Variants in KCND3 observed in about 807,000 individuals in gnomAD.
KCND3 encodes potassium voltage-gated channel subfamily D member 3.
In KCND3, 9 loss-of-function variants were observed where a neutral mutation model predicts 51.1. The ratio of observed to expected loss-of-function variants is 0.18; its 90% CI spans 0.11 to 0.31. The LOEUF (loss-of-function observed/expected upper bound fraction) is 0.31, where lower values mean the gene tolerates loss of function less well. Ranked by LOEUF, KCND3 falls within the 10% of genes least tolerant of loss-of-function variation. The pLI is 1.00. For synonymous variants in KCND3, 349 were observed against 368.0 expected, an observed-to-expected ratio of 0.95 and a Z score of 0.59; for missense variants, 526 against 903.8, an observed-to-expected ratio of 0.58 and a Z score of 5.36.
intron 2 of KCND3, among the ~76,000 whole-genome samples, chr1:111,962,728 T>C (rs1448734295): frequency 6.6e-6 from 1 of 152,198 alleles, no homozygotes; most frequent in Non-Finnish European, 1.5e-5. Flanking sequence ...GTTGTGAAAA[T>C]GGCCACCAAC....
intron 3 of KCND3, 103 bp downstream of exon 3, chr1:111,786,841 C>T: frequency 7.2e-7 from 1 of 1,393,876 alleles, no homozygotes; most frequent in South Asian, 1.2e-5. Context: ...AAGCCAGAGG[C>T]CATCTGTGCA....
At chr1:111,937,890 T>G (rs1190941720) in intron 2 of KCND3, among the ~76,000 whole-genome samples, 1 of 152,238 alleles carries the variant, frequency 6.6e-6, no homozygotes, top group Non-Finnish European at 1.5e-5. Context: ...CAGTCTGTTC[T>G]GCTCAGTTAG....
chr1:111,883,162 G>A (rs1477323018), intron 2 of KCND3, among the ~76,000 whole-genome samples: 1 of 152,190 alleles, frequency 6.6e-6, no homozygotes, highest in Non-Finnish European at 1.5e-5. Context: ...CCCAACTCCC[G>A]TGGGCATAAC....
intron 1 of KCND3, among the ~76,000 whole-genome samples, chr1:111,983,411 T>A (rs1675083272): frequency 6.6e-6 from 1 of 152,046 alleles, no homozygotes. Flanking sequence ...TGGAGAAGGC[T>A]CTCCCTGGCA....
At chr1:111,778,916 C>A (rs769968564) in intron 5 of KCND3, among the ~76,000 whole-genome samples, 2 of 152,224 alleles carry the variant, frequency 1.3e-5, no homozygotes, top group Admixed American at 6.5e-5. Context: ...AACATTCCAG[C>A]CCTTCAAACC....
Position 111,777,619 on chromosome 1 carries a change from T to C in KCND3, c.1519-346A>G, listed in dbSNP as rs543420132. On this transcript the variant is annotated intron_variant, in intron 6 of 7. Coordinates refer to ENST00000302127, the MANE Select transcript of KCND3 (RefSeq NM_001378969.1). ...ACAGCTAGAGGCAAAGACTTTACTT[T>C]CCAGGCTTTGTACAAGATCTGCCAG... Among the ~76,000 whole-genome samples the C allele has an allele frequency of 1.2e-4, 19 of 152,300 alleles. No individual in the cohort carries two copies. In the South Asian group the frequency reaches 3.7e-3, roughly 30 times the overall value.
At chr1:111,861,540 C>T (rs1668340087) in intron 2 of KCND3, among the ~76,000 whole-genome samples, 1 of 152,198 alleles carries the variant, frequency 6.6e-6, no homozygotes, top group African/African-American at 2.4e-5. Context: ...CCCAGGCCCA[C>T]TGCAGGACCT....
chr1:111,823,833 T>C (rs1666456292), intron 2 of KCND3, among the ~76,000 whole-genome samples: 1 of 152,110 alleles, frequency 6.6e-6, no homozygotes, highest in Admixed American at 6.5e-5. Flanking sequence ...TTGGGGGAAA[T>C]TCTGACTACA....
chr1:111,888,608 G>A (rs759719682), intron 2 of KCND3, among the ~76,000 whole-genome samples: 1 of 149,694 alleles, frequency 6.7e-6, no homozygotes, highest in Non-Finnish European at 1.5e-5. Flanking sequence ...CTTGAACCCA[G>A]GAGGCAGAGG....
At chr1:111,984,324 T>A (rs1386441651) in intron 1 of KCND3, among the ~76,000 whole-genome samples, 1 of 152,250 alleles carries the variant, frequency 6.6e-6, no homozygotes, top group Non-Finnish European at 1.5e-5. Flanking sequence ...CAGATGCCTC[T>A]GAAGTGGACA....
intron 2 of KCND3, among the ~76,000 whole-genome samples, chr1:111,862,391 C>T (rs1056306492): frequency 6.6e-6 from 1 of 152,218 alleles, no homozygotes; most frequent in African/African-American, 2.4e-5. Context: ...GGCCATGGGC[C>T]GAATGCTAAT....
intron 2 of KCND3, among the ~76,000 whole-genome samples, chr1:111,813,208 C>G (rs367714268): frequency 3.3e-5 from 5 of 152,260 alleles, no homozygotes; most frequent in Admixed American, 1.3e-4. Flanking sequence ...CTCTTGGAAC[C>G]CTAGCAAGCT....
chr1:111,776,350 A>G lies in KCND3; in HGVS notation c.1767-72T>C, dbSNP rs17028535. On this transcript the variant is annotated intron_variant, in intron 7 of 7. Coordinates refer to ENST00000302127, the MANE Select transcript of KCND3 (RefSeq NM_001378969.1). ...TCCCAAAGCTTCCTTGACCCCCTAC[A>G]TTTCTTGCTCGTGGTAACTAGGAGG... The G allele has an allele frequency of 2.8e-3, 4,047 of 1,421,664 alleles. 92 individuals are homozygous for G. In the African/African-American group the frequency reaches 0.052, roughly 18 times the overall value. 88.1% of individuals were successfully genotyped at this position (1,421,664 alleles called of 1,614,324 possible).
At position 111,989,325 on chromosome 1, in the gene KCND3, CG is replaced by C. The variant is rs879290565; in HGVS notation, c.-73+179del. 3.2e-3 allele frequency among the ~76,000 whole-genome samples: 484 copies of C among 152,224 alleles called. 3 individuals are homozygous for C. Among genetic ancestry groups the C allele is most frequent in the South Asian group, 4.8e-3 (23 of 4,828 alleles). Reference sequence around the variant, plus strand: ...CACAGCCCGAGGGAACCGACGCCCCCGGGCCGGCTGTCTGCTCCCCCACGGC... The same window carrying C: ...CACAGCCCGAGGGAACCGACGCCCCCGGCCGGCTGTCTGCTCCCCCACGGC... On this transcript the variant is annotated intron_variant, in intron 1 of 7. Transcript: ENST00000302127.
chr1:111,945,366 G>A (rs369454038), intron 2 of KCND3, among the ~76,000 whole-genome samples: 127 of 152,318 alleles, frequency 8.3e-4, no homozygotes, highest in Non-Finnish European at 1.6e-3. Context: ...AGCCTTCAAC[G>A]TCAAGGGCAA....
chr1:111,785,188 C>T (rs1571633796), intron 3 of KCND3, among the ~76,000 whole-genome samples: 1 of 152,304 alleles, frequency 6.6e-6, no homozygotes, highest in East Asian at 1.9e-4. Flanking sequence ...TCCTGTGAAC[C>T]TCACCTGCTC....
At chr1:111,840,504 T>C (rs1324501864) in intron 2 of KCND3, among the ~76,000 whole-genome samples, 1 of 150,024 alleles carries the variant, frequency 6.7e-6, no homozygotes, top group East Asian at 2.0e-4. Flanking sequence ...TTTTTTTTTT[T>C]AATGGGGGAA....
At chr1:111,884,937 G>T (rs1354193556) in intron 2 of KCND3, among the ~76,000 whole-genome samples, 1 of 152,150 alleles carries the variant, frequency 6.6e-6, no homozygotes, top group Admixed American at 6.5e-5. Context: ...TGTGCATTGT[G>T]AAATGTTCAG....
At chr1:111,953,043 C>A (rs1213443356) in intron 2 of KCND3, among the ~76,000 whole-genome samples, 4 of 152,246 alleles carry the variant, frequency 2.6e-5, no homozygotes, top group African/African-American at 7.2e-5. Context: ...GTACCATTAT[C>A]CCCAGTGTAC....
Sources: gnomAD v4.1 joint callset for allele counts (sites outside exome capture counted in the v4.1 genomes callset) on GRCh38, gnomAD v4.1.1 for gene constraint, MANE v1.5 for transcripts, NCBI Gene and HGNC (gene_info 2026-07-23, HGNC 2026-07-21) for gene names.